Variants in KAZN observed in about 807,000 individuals in gnomAD.
KAZN encodes kazrin, periplakin interacting protein.
Under a neutral mutation model 87.4 loss-of-function variants are expected in KAZN, and 40 were observed. That is an observed-to-expected ratio of 0.46 (90% confidence interval 0.36 to 0.60). KAZN has a LOEUF of 0.60. Ranked by LOEUF, KAZN falls within the 20% of genes least tolerant of loss-of-function variation. KAZN has a pLI of 0.00. For synonymous variants in KAZN, 466 were observed against 458.3 expected, an observed-to-expected ratio of 1.02 and a Z score of -0.22; for missense variants, 898 against 1,073.9, an observed-to-expected ratio of 0.84 and a Z score of 2.29.
intron 2 of KAZN, among the ~76,000 whole-genome samples, chr1:14,520,503 A>G (rs182998439): frequency 2.6e-5 from 4 of 152,272 alleles, no homozygotes; most frequent in South Asian, 4.1e-4. Context: ...AAACACACAC[A>G]CTAATCCAAT....
intron 1 of KAZN, among the ~76,000 whole-genome samples, chr1:14,938,595 G>A (rs1165274392): frequency 1.3e-5 from 2 of 151,906 alleles, no homozygotes; most frequent in African/African-American, 4.8e-5. Flanking sequence ...CCAGAGAGAT[G>A]GCCAAGTCAG....
At chr1:14,393,641 A>T (rs972245940) in intron 2 of KAZN, among the ~76,000 whole-genome samples, 1 of 151,934 alleles carries the variant, frequency 6.6e-6, no homozygotes. Context: ...CTGACAATTA[A>T]TATCTGTGCT....
intron 1 of KAZN, among the ~76,000 whole-genome samples, chr1:14,825,649 G>A (rs1457382176): frequency 6.6e-6 from 1 of 152,130 alleles, no homozygotes; most frequent in African/African-American, 2.4e-5. Context: ...TCTAGTAAGG[G>A]ACCACGTTGG....
chr1:14,853,679 C>T (rs989413825), intron 1 of KAZN, among the ~76,000 whole-genome samples: 6 of 152,178 alleles, frequency 3.9e-5, no homozygotes, highest in African/African-American at 1.4e-4. Flanking sequence ...TTAGTGATAG[C>T]CCCAGGCTCC....
intron 1 of KAZN, among the ~76,000 whole-genome samples, chr1:14,788,073 A>G (rs1485881026): frequency 1.3e-5 from 2 of 152,142 alleles, no homozygotes; most frequent in Non-Finnish European, 2.9e-5. Context: ...CCCTTGTTCA[A>G]AAATTATGAA....
chr1:14,440,699 G>A (rs1434784272), intron 2 of KAZN, among the ~76,000 whole-genome samples: 1 of 152,188 alleles, frequency 6.6e-6, no homozygotes, highest in African/African-American at 2.4e-5. Flanking sequence ...GGCAGCCACA[G>A]CAGAGCATTA....
intron 2 of KAZN, among the ~76,000 whole-genome samples, chr1:14,514,709 A>G (rs1038520692): frequency 6.9e-6 from 1 of 145,802 alleles, no homozygotes; most frequent in Non-Finnish European, 1.5e-5. Context: ...GTCAGGTAGC[A>G]TAATGGTTAA....
chr1:14,475,506 T>C (rs1668669302), intron 2 of KAZN, among the ~76,000 whole-genome samples: 1 of 152,256 alleles, frequency 6.6e-6, no homozygotes, highest in South Asian at 2.1e-4. Flanking sequence ...CGTCAGTCTC[T>C]CCATCAGCTA....
chr1:14,225,672 G>C (rs2100518165), intron 2 of KAZN, among the ~76,000 whole-genome samples: 1 of 152,242 alleles, frequency 6.6e-6, no homozygotes, highest in South Asian at 2.1e-4. Flanking sequence ...GCAGAAAACA[G>C]ACACATAGGC....
chr1:14,927,628 G>A (rs1659311462), intron 1 of KAZN, among the ~76,000 whole-genome samples: 1 of 152,138 alleles, frequency 6.6e-6, no homozygotes, highest in South Asian at 2.1e-4. Flanking sequence ...AAGGTGGTGG[G>A]AAATTAGTAT....
intron 4 of KAZN, among the ~76,000 whole-genome samples, chr1:15,045,831 A>G (rs1673423684): frequency 6.6e-6 from 1 of 152,154 alleles, no homozygotes; most frequent in South Asian, 2.1e-4. Flanking sequence ...TTAGCATTCT[A>G]TCACTATCAC....
intron 1 of KAZN, among the ~76,000 whole-genome samples, chr1:14,126,358 C>CG (rs372896220): frequency 2.7e-5 from 4 of 150,038 alleles, no homozygotes; most frequent in Non-Finnish European, 4.5e-5. Context: ...TCCCCTCCCC[C>CG]CCCCCGTCAA....
intron 1 of KAZN, among the ~76,000 whole-genome samples, chr1:14,133,378 AAAG>A (rs1389949713): frequency 0.032 from 721 of 22,342 alleles, 14 homozygotes; most frequent in African/African-American, 0.1. Context: ...AAAAAAAAAA[AAAG>A]AAAGAAAGAA....
intron 2 of KAZN, among the ~76,000 whole-genome samples, chr1:14,509,028 A>G (rs1190843637): frequency 6.6e-6 from 1 of 152,236 alleles, no homozygotes; most frequent in Non-Finnish European, 1.5e-5. Flanking sequence ...CAAGGATGAC[A>G]GGGAATAGGT....
At chr1:14,284,577 C>G (rs941986525) in intron 2 of KAZN, among the ~76,000 whole-genome samples, 1 of 152,098 alleles carries the variant, frequency 6.6e-6, no homozygotes, top group East Asian at 1.9e-4. Context: ...TGAGTGTTGT[C>G]TTTATTCTCA....
chr1:14,974,878 A>G (rs530238242), intron 2 of KAZN, among the ~76,000 whole-genome samples: 87 of 152,352 alleles, frequency 5.7e-4, no homozygotes, highest in African/African-American at 2.0e-3. Context: ...AGGTGTGTAC[A>G]TATATCAGAG....
intron 1 of KAZN, among the ~76,000 whole-genome samples, chr1:14,167,488 C>T (rs750918543): frequency 3.9e-5 from 6 of 152,038 alleles, no homozygotes; most frequent in Non-Finnish European, 5.9e-5. Context: ...TCTGGGAGGA[C>T]GAGGCACGTG....
intron 2 of KAZN, among the ~76,000 whole-genome samples, chr1:14,979,567 G>T (rs1666026913): frequency 6.6e-6 from 1 of 152,102 alleles, no homozygotes; most frequent in African/African-American, 2.4e-5. Context: ...ATTCAAGCAG[G>T]TGGCTCAGAG....
intron 1 of KAZN, among the ~76,000 whole-genome samples, chr1:14,935,919 C>T (rs759268684): frequency 1.3e-5 from 2 of 152,210 alleles, no homozygotes; most frequent in South Asian, 2.1e-4. Flanking sequence ...TCCCAACATC[C>T]CAGGTGGTGG....
Sources: gnomAD v4.1 joint callset for allele counts (sites outside exome capture counted in the v4.1 genomes callset) on GRCh38, gnomAD v4.1.1 for gene constraint, MANE v1.5 for transcripts, NCBI Gene and HGNC (gene_info 2026-07-23, HGNC 2026-07-21) for gene names.